Variants in LYL1 observed in about 807,000 individuals in gnomAD.
LYL1 encodes the protein protein lyl-1.
Under a neutral mutation model 11.1 loss-of-function variants are expected in LYL1, and 4 were observed. That is an observed-to-expected ratio of 0.36 (90% CI 0.18 to 0.82). The LOEUF is 0.82. Among genes scored for constraint, LYL1 ranks in the 40% least tolerant of loss-of-function variants. The probability of loss-of-function intolerance (pLI) is 0.49; values close to 1 mark genes in which losing one functional copy is unlikely to be tolerated. For missense variants in LYL1, 356 were observed against 397.6 expected (o/e 0.90, Z 0.89); for synonymous variants, 179 against 174.8 (o/e 1.02, Z -0.19).
chr19:13,099,387 C>CA lies in LYL1; in HGVS notation c.774_775insT (p.Gly259TrpfsTer64). 1.6e-6 allele frequency: 2 copies of CA among 1,256,746 alleles called. No individual in the cohort carries two copies. The allele number at this position is 1,256,746 out of a possible 1,614,324, so 77.8% of individuals were successfully genotyped here. A position where few individuals can be genotyped will look rare whatever the true frequency, so the allele number is the denominator to read the frequency against. On this transcript the variant is annotated frameshift_variant, in exon 4 of 4. Transcript: ENST00000264824. LOFTEE classifies it high-confidence loss of function. This position sits in a 1 kb window ranked among gnomAD's most constrained non-coding sequence, Gnocchi z 5.3. ...GGCCGGGCCGCTCCACCGGGGCTGC[C>CA]GTCGGGGTCGGCCGGGGGCGCGGGC...
rs2018696296 is a variant in LYL1 at position 13,102,266 on chromosome 19, C to CA, written c.-25+264dup. On this transcript the variant is annotated intron_variant, in intron 1 of 3. Transcript: ENST00000264824. The surrounding 1 kb of genome is among the most constrained non-coding windows in gnomAD (Gnocchi z 4.9). ...AAGTGCTGGGATTACAGGCATGCAC[C>CA]ACAATGCCCCGCGATCATCCACAGT... 4.9e-6 allele frequency: 1 copy of CA among 203,244 alleles called. No individual in the cohort carries two copies. The highest frequency in any genetic ancestry group is 6.0e-5 in the Admixed American group (1 of 16,710). The allele number at this position is 203,244 out of a possible 1,614,324, so 12.6% of individuals were successfully genotyped here. A position where few individuals can be genotyped will look rare whatever the true frequency, so the allele number is the denominator to read the frequency against.
intron 3 of LYL1, among the ~76,000 whole-genome samples, chr19:13,100,419 C>T (rs766364177): frequency 4.9e-4 from 75 of 152,164 alleles, no homozygotes; most frequent in Admixed American, 3.9e-4. Context: ...GCCGTGACTG[C>T]GGCTACATGG....
rs150306817 is a variant in LYL1, at chr19:13,100,662, G to T, written c.422C>A (p.Ala141Asp). ...GCACACAAACCCACACTCACCCTCAGCCAGGTCCAGCTCACAGTGGCTTGG... is the reference window on the plus strand; with the variant it reads ...GCACACAAACCCACACTCACCCTCATCCAGGTCCAGCTCACAGTGGCTTGG... ...RRPSHCELDL[A>D]EGHQPQKVAR... The change falls in exon 3 of 4, where the codon GCT (alanine) becomes GAT (aspartate). Residue 141 changes from alanine to aspartate, a missense_variant. Ala to Asp is a moderately radical substitution (Grantham distance 126). Coordinates refer to ENST00000264824, the MANE Select transcript of LYL1 (RefSeq NM_005583.5). The T allele has an allele frequency of 3.7e-6, 6 of 1,614,042 alleles. No homozygotes were observed. The African/African-American group carries it at 8.0e-5, about 22-fold the overall frequency.
rs1433337479 is a variant in LYL1, at chr19:13,099,568, G to A, written c.594C>T (p.Tyr198=). ...KNEVLRLAMK[Y]IGFLVRLLRD... is the part of the protein sequence containing the mutation. ...GCAGCAGCCGCACCAGGAAGCCGATGTACTTCATGGCTAGGCGGAGCACCT... is the reference window on the plus strand; with the variant it reads ...GCAGCAGCCGCACCAGGAAGCCGATATACTTCATGGCTAGGCGGAGCACCT... The change falls in exon 4 of 4, where the codon TAC becomes TAT. Residue 198 remains tyrosine (Y), a synonymous_variant. Transcript: ENST00000264824. The surrounding 1 kb of genome is among the most constrained non-coding windows in gnomAD (Gnocchi z 5.3). 5 of 1,540,182 alleles carry A rather than the reference G, an allele frequency of 3.2e-6. No individual in the cohort carries two copies. The highest frequency in any genetic ancestry group is 2.8e-5 in the African/African-American group (2 of 72,242).
chr19:13,099,866 TC>T lies in LYL1; in HGVS notation c.428-133del. 2.6e-6 allele frequency: 2 copies of T among 770,336 alleles called. No individual in the cohort carries two copies. Among genetic ancestry groups the T allele is most frequent in the Non-Finnish European group, 3.8e-6 (2 of 525,400 alleles). The allele number at this position is 770,336 out of a possible 1,614,324, so 47.7% of individuals were successfully genotyped here. ...GCTGGGGCTTTCTCCACCCAAGGGG[TC>T]CACGGGCAGCTCTCCCCACCCCTCC... On this transcript the variant is annotated intron_variant, in intron 3 of 3. Coordinates refer to ENST00000264824, the MANE Select transcript of LYL1 (RefSeq NM_005583.5). The surrounding 1 kb of genome is among the most constrained non-coding windows in gnomAD (Gnocchi z 5.3).
chr19:13,099,842 C>CCCCAGCCCA lies in LYL1; in HGVS notation c.428-109_428-108insTGGGCTGGG. The CCCCAGCCCA allele has an allele frequency of 9.8e-7, 1 of 1,023,826 alleles. No homozygotes were observed. Among genetic ancestry groups the CCCCAGCCCA allele is most frequent in the Non-Finnish European group, 1.3e-6 (1 of 750,806 alleles). 63.4% of individuals were successfully genotyped at this position (1,023,826 alleles called of 1,614,324 possible). A position where few individuals can be genotyped will look rare whatever the true frequency, so the allele number is the denominator to read the frequency against. The stretch of plus-strand genomic sequence containing the variant: ...TGGGAACTTAAACCCAGGCCATGGG[C>CCCCAGCCCA]TGGGGCTTTCTCCACCCAAGGGGTC... On this transcript the variant is annotated intron_variant, in intron 3 of 3. Transcript: ENST00000264824. This position sits in a 1 kb window ranked among gnomAD's most constrained non-coding sequence, Gnocchi z 5.3.
chr19:13,099,617 G>A lies in LYL1; in HGVS notation c.545C>T (p.Pro182Leu), dbSNP rs775991220. The A allele has an allele frequency of 7.1e-6, 11 of 1,556,648 alleles. No homozygotes were observed. The Admixed American group carries it at 1.5e-4, about 22-fold the overall frequency. Residue 182 changes from proline to leucine, a missense_variant, in exon 4 of 4, where the codon CCC becomes CTC. Transcript: ENST00000264824. The surrounding 1 kb of genome is among the most constrained non-coding windows in gnomAD (Gnocchi z 5.3). ...ELRKLLPTHPPDRKLSKNEVL... is the reference protein window; with the variant it reads ...ELRKLLPTHPLDRKLSKNEVL... ...CTCGTTCTTGCTCAGCTTCCGGTCG[G>A]GCGGGTGCGTCGGCAGCAGCTTCCT...
In LYL1 at chr19:13,099,247, C is replaced by G; in HGVS notation, c.*72G>C. The stretch of plus-strand genomic sequence containing the variant: ...CGCTCCCGAACATGCGCAGCACGTC[C>G]ACTGCCCTTTCCTTGACGGCCCTGG... On this transcript the variant is annotated 3_prime_UTR_variant, in exon 4 of 4. Transcript: ENST00000264824. The surrounding 1 kb of genome is among the most constrained non-coding windows in gnomAD (Gnocchi z 5.3). The G allele has an allele frequency of 1.7e-6, 2 of 1,201,410 alleles. No homozygotes were observed. The highest frequency in any genetic ancestry group is 3.1e-4 in the Middle Eastern group (1 of 3,182). 74.4% of individuals were successfully genotyped at this position (1,201,410 alleles called of 1,614,324 possible).
In LYL1 at chr19:13,099,697, G is replaced by A; in HGVS notation, c.465C>T (p.Thr155=). 6.5e-7 allele frequency: 1 copy of A among 1,549,298 alleles called. No homozygotes were observed. Among genetic ancestry groups the A allele is most frequent in the Non-Finnish European group, 8.7e-7 (1 of 1,146,922 alleles). Residue 155 remains threonine, a synonymous_variant, in exon 4 of 4, where the codon ACC becomes ACT. Transcript: ENST00000264824. This position sits in a 1 kb window ranked among gnomAD's most constrained non-coding sequence, Gnocchi z 5.3. ...GCTGCCGCCAGCGCTCCCGGCTGTT[G>A]GTGAACACGCGCCGGGCCACCTTCT... The part of the protein sequence containing the change: ...QPQKVARRVF[T]NSRERWRQQN...
Position 13,102,121 on chromosome 19 carries a change from G to T in LYL1, c.-25+410C>A. The T allele has an allele frequency of 4.7e-6, 1 of 211,556 alleles. No individual in the cohort carries two copies. The highest frequency in any genetic ancestry group is 9.6e-6 in the Non-Finnish European group (1 of 104,358). 13.1% of individuals were successfully genotyped at this position (211,556 alleles called of 1,614,324 possible). On this transcript the variant is annotated intron_variant, in intron 1 of 3. Coordinates refer to ENST00000264824, the MANE Select transcript of LYL1 (RefSeq NM_005583.5). The surrounding 1 kb of genome is among the most constrained non-coding windows in gnomAD (Gnocchi z 4.9). ...TGAGTAGCTGAGAGTACAGGCATGT[G>T]CCACCATGCCCGGCTAATTTAAAAA...
rs1435743927 is a variant in LYL1, at chr19:13,099,688, C to T, written c.474G>A (p.Arg158=). Residue 158 remains arginine, a synonymous_variant, in exon 4 of 4, where the codon CGG becomes CGA. Coordinates refer to ENST00000264824, the MANE Select transcript of LYL1 (RefSeq NM_005583.5). The surrounding 1 kb of genome is among the most constrained non-coding windows in gnomAD (Gnocchi z 5.3). ...KVARRVFTNS[R]ERWRQQNVNG... is the part of the protein sequence containing the mutation. ...TAACGTTCTGCTGCCGCCAGCGCTC[C>T]CGGCTGTTGGTGAACACGCGCCGGG... 6.5e-7 allele frequency: 1 copy of T among 1,547,328 alleles called. No homozygotes were observed. Among genetic ancestry groups the T allele is most frequent in the Admixed American group, 2.0e-5 (1 of 50,544 alleles).
chr19:13,099,666 C>T lies in LYL1; in HGVS notation c.496G>A (p.Val166Ile). Residue 166 changes from valine (V) to isoleucine (I), a missense_variant, in exon 4 of 4, where the codon GTT (valine) becomes ATT (isoleucine). Transcript: ENST00000264824. The surrounding 1 kb of genome is among the most constrained non-coding windows in gnomAD (Gnocchi z 5.3). ...CTCAGCTCGGCGAAGGCGCCGTTAA[C>T]GTTCTGCTGCCGCCAGCGCTCCCGG... ...NSRERWRQQN[V>I]NGAFAELRKL... The T allele has an allele frequency of 2.6e-6, 4 of 1,548,750 alleles. No individual in the cohort carries two copies. The highest frequency in any genetic ancestry group is 1.2e-5 in the South Asian group (1 of 83,258).
In LYL1 at chr19:13,100,715, G is replaced by C; in HGVS notation, c.369C>G (p.Ile123Met). 6.2e-7 allele frequency: 1 copy of C among 1,614,240 alleles called. No individual in the cohort carries two copies. Among genetic ancestry groups the C allele is most frequent in the Non-Finnish European group, 8.5e-7 (1 of 1,180,038 alleles). The change falls in exon 3 of 4, where the codon ATC (isoleucine) becomes ATG (methionine). Residue 123 changes from isoleucine to methionine, a missense_variant. Ile to Met is a conservative substitution (Grantham distance 10, BLOSUM62 1). Transcript: ENST00000264824. ...TCCGCTTCAACCGGCTGCTAGGGAA[G>C]ATGCTAAAAGGTCCTGCTGGCCCAA... Reference protein sequence around the residue: ...VYIGPAGPFSIFPSSRLKRRP... With the variant: ...VYIGPAGPFSMFPSSRLKRRP...
Position 13,099,727 on chromosome 19 carries a change from CTGGTGCCCTGTGGACAAGGAGGGCCGGGT to C in LYL1, c.428-22_434del. ...ACACGCGCCGGGCCACCTTCTGGGG[CTGGTGCCCTGTGGACAAGGAGGGCCGGGT>C]TGGTGCCATGGCCCAAAGGGCGGCC... On this transcript the variant is annotated splice_acceptor_variant and splice_polypyrimidine_tract_variant and coding_sequence_variant and intron_variant, in exon 4 of 4. Transcript: ENST00000264824. LOFTEE classifies it high-confidence loss of function. This position sits in a 1 kb window ranked among gnomAD's most constrained non-coding sequence, Gnocchi z 5.3. 1 of 1,499,242 alleles carries C rather than the reference CTGGTGCCCTGTGGACAAGGAGGGCCGGGT, an allele frequency of 6.7e-7. No homozygotes were observed. Among genetic ancestry groups the C allele is most frequent in the Non-Finnish European group, 8.9e-7 (1 of 1,119,220 alleles). The allele number at this position is 1,499,242 out of a possible 1,614,324, so 92.9% of individuals were successfully genotyped here. A position where few individuals can be genotyped will look rare whatever the true frequency, so the allele number is the denominator to read the frequency against.
chr19:13,100,538 T>C (rs1452648741), intron 3 of LYL1, 119 bp downstream of exon 3: 1 of 942,546 alleles, frequency 1.1e-6, no homozygotes, highest in East Asian at 2.4e-5. Flanking sequence ...GAAGCACGTC[T>C]CCCCGAGGTG....
Position 13,101,374 on chromosome 19 carries a change from G to A in LYL1, c.-24-179C>T, listed in dbSNP as rs2018685445. On this transcript the variant is annotated intron_variant, in intron 1 of 3. Coordinates refer to ENST00000264824, the MANE Select transcript of LYL1 (RefSeq NM_005583.5). This position sits in a 1 kb window ranked among gnomAD's most constrained non-coding sequence, Gnocchi z 5.1. ...GCCCAGAAACTTCCAGGACACGGGAGGGGGGTCCTACGTTAGAGTAGGAGG... is the reference window on the plus strand; with the variant it reads ...GCCCAGAAACTTCCAGGACACGGGAAGGGGGTCCTACGTTAGAGTAGGAGG... The A allele has an allele frequency of 2.4e-6, 1 of 413,658 alleles. No homozygotes were observed. The highest frequency in any genetic ancestry group is 3.7e-5 in the East Asian group (1 of 27,022). 25.6% of individuals were successfully genotyped at this position (413,658 alleles called of 1,614,324 possible).
intron 3 of LYL1, 63 bp downstream of exon 3, chr19:13,100,594 C>A (rs2018671939): frequency 6.8e-7 from 1 of 1,461,248 alleles, no homozygotes; most frequent in Admixed American, 1.7e-5. Context: ...GCCAGGCCTT[C>A]TGTGCACCCA....
intron 2 of LYL1, 21 bp from the exon 3 acceptor site, chr19:13,100,769 C>T (rs2018675337): frequency 1.2e-6 from 2 of 1,613,620 alleles, no homozygotes; most frequent in Non-Finnish European, 1.7e-6. Context: ...TCGTGGGTCA[C>T]TAATGCCTTG....
At position 13,102,643 on chromosome 19, in the gene LYL1, G is replaced by C. The variant is rs1442942604; in HGVS notation, c.-137C>G. ...AGGCCAGGCTCTGCTGTCTCGCGAG[G>C]GTCCGGCCTCAATGCTCCAGGCCCC... On this transcript the variant is annotated 5_prime_UTR_variant, in exon 1 of 4. Coordinates refer to ENST00000264824, the MANE Select transcript of LYL1 (RefSeq NM_005583.5). This position sits in a 1 kb window ranked among gnomAD's most constrained non-coding sequence, Gnocchi z 4.9. 1 of 168,044 alleles carries C rather than the reference G, an allele frequency of 6.0e-6. No individual in the cohort carries two copies. Among genetic ancestry groups the C allele is most frequent in the African/African-American group, 2.4e-5 (1 of 41,902 alleles). The allele number at this position is 168,044 out of a possible 1,614,324, so 10.4% of individuals were successfully genotyped here. A position where few individuals can be genotyped will look rare whatever the true frequency, so the allele number is the denominator to read the frequency against.
Sources: allele counts gnomAD v4.1 joint callset (sites outside exome capture counted in the v4.1 genomes callset), GRCh38; gene constraint gnomAD v4.1.1; non-coding constraint Gnocchi (gnomAD v3.1); transcripts MANE v1.5; gene names NCBI Gene and HGNC (gene_info 2026-07-23, HGNC 2026-07-21).